Variants in MCPH1 observed in about 807,000 individuals in gnomAD.
MCPH1 encodes the protein microcephalin.
MCPH1 carries 104 observed loss-of-function variants against 84.5 expected under a neutral mutation model. That is an observed-to-expected ratio of 1.23 (90% CI 1.05 to 1.45). MCPH1 has a LOEUF of 1.45. MCPH1 is among the 40% of genes most tolerant of loss of function. The pLI, the probability that MCPH1 is intolerant of heterozygous loss-of-function variation, is 0.00. For synonymous variants in MCPH1, 514 were observed against 366.8 expected, an observed-to-expected ratio of 1.40 and a Z score of -4.58; for missense variants, 1,498 against 1,005.7, an observed-to-expected ratio of 1.49 and a Z score of -6.62.
intron 12 of MCPH1, among the ~76,000 whole-genome samples, chr8:6,552,644 A>G (rs1417865705): frequency 1.3e-5 from 2 of 152,178 alleles, no homozygotes; most frequent in Non-Finnish European, 2.9e-5. Flanking sequence ...AGCATCTTAC[A>G]GTTTCCAACA....
chr8:6,410,264 G>T (rs1399098279), intron 2 of MCPH1, among the ~76,000 whole-genome samples: 2 of 151,956 alleles, frequency 1.3e-5, no homozygotes, highest in Non-Finnish European at 2.9e-5. Flanking sequence ...ATGAGCCACC[G>T]AGCCCGGCCA....
chr8:6,477,036 CA>C (rs5889171), intron 9 of MCPH1, among the ~76,000 whole-genome samples: 20,743 of 136,888 alleles, frequency 0.15, 2,447 homozygotes, highest in African/African-American at 0.33. Context: ...CTTAGATAAG[CA>C]AAAAAAAAAT....
At chr8:6,629,945 C>G (rs555038540) in intron 13 of MCPH1, among the ~76,000 whole-genome samples, 7 of 152,338 alleles carry the variant, frequency 4.6e-5, no homozygotes, top group Non-Finnish European at 2.9e-5. Flanking sequence ...CAGCCACTGA[C>G]TGTTGTGGTC....
In MCPH1 at chr8:6,619,992, C is replaced by T. The variant is rs531990985; in HGVS notation, c.2215-1462C>T. The T allele has an allele frequency of 3.3e-5, 5 of 152,342 alleles. No homozygotes were observed. In the East Asian group the frequency reaches 5.8e-4, roughly 18 times the overall value. The allele number at this position is 152,342 out of a possible 1,614,324, so 9.4% of individuals were successfully genotyped here. A position where few individuals can be genotyped will look rare whatever the true frequency, so the allele number is the denominator to read the frequency against. ...CAGCTTGGCCCCGTGATGCTAGGGA[C>T]CATGGCTTTTTCTTGCAGTGTGACT... On this transcript the variant is annotated intron_variant, in intron 12 of 13. Coordinates refer to ENST00000344683, the MANE Select transcript of MCPH1 (RefSeq NM_024596.5).
chr8:6,423,144 G>T (rs994159862), intron 3 of MCPH1, among the ~76,000 whole-genome samples: 1 of 148,554 alleles, frequency 6.7e-6, no homozygotes, highest in African/African-American at 2.5e-5. Context: ...AAGGTCCTCA[G>T]AAGCTCAAAA....
chr8:6,487,862 A>C (rs1012263523), intron 11 of MCPH1, among the ~76,000 whole-genome samples: 11 of 152,222 alleles, frequency 7.2e-5, no homozygotes, highest in Admixed American at 1.3e-4. Flanking sequence ...GCAGCCGAGA[A>C]GGACGCTGCA....
At chr8:6,568,339 G>T (rs1442334375) in intron 12 of MCPH1, among the ~76,000 whole-genome samples, 2 of 150,362 alleles carry the variant, frequency 1.3e-5, no homozygotes, top group East Asian at 3.9e-4. Flanking sequence ...ATGACAGTCA[G>T]ACCATCCCAG....
chr8:6,638,879 G>C (rs1797742834), intron 13 of MCPH1, among the ~76,000 whole-genome samples: 1 of 152,164 alleles, frequency 6.6e-6, no homozygotes, highest in Non-Finnish European at 1.5e-5. Flanking sequence ...GGAGCTGTCG[G>C]CCCTTGTTCA....
intron 12 of MCPH1, among the ~76,000 whole-genome samples, chr8:6,517,286 G>C (rs1020366463): frequency 1.3e-5 from 2 of 152,166 alleles, no homozygotes; most frequent in African/African-American, 4.8e-5. Flanking sequence ...TATAAAGCTT[G>C]ATGTTTTTCA....
At chr8:6,591,336 G>C (rs1586732183) in intron 12 of MCPH1, among the ~76,000 whole-genome samples, 2 of 152,176 alleles carry the variant, frequency 1.3e-5, no homozygotes, top group African/African-American at 4.8e-5. Context: ...TGAACTCTAG[G>C]GCTAGTGTTT....
intron 13 of MCPH1, among the ~76,000 whole-genome samples, chr8:6,639,935 C>G (rs1379075641): frequency 6.6e-6 from 1 of 151,972 alleles, no homozygotes; most frequent in African/African-American, 2.4e-5. Context: ...AACAAGATGT[C>G]ACTATGTTGC....
chr8:6,416,003 G>GT (rs1380953401), intron 3 of MCPH1, among the ~76,000 whole-genome samples: 2 of 152,030 alleles, frequency 1.3e-5, no homozygotes, highest in African/African-American at 4.8e-5. Context: ...CAGTGTACAA[G>GT]TTTTTTACCC....
intron 9 of MCPH1, among the ~76,000 whole-genome samples, chr8:6,456,018 C>T (rs957891214): frequency 6.6e-6 from 1 of 152,114 alleles, no homozygotes. Flanking sequence ...TGCATTTGAC[C>T]TGCGGAAGAG....
chr8:6,546,165 G>A (rs1376573287), intron 12 of MCPH1, among the ~76,000 whole-genome samples: 1 of 152,208 alleles, frequency 6.6e-6, no homozygotes, highest in Non-Finnish European at 1.5e-5. Flanking sequence ...AAATTAAGTG[G>A]AATGAGTTAG....
Position 6,439,060 on chromosome 8 carries a change from G to A in MCPH1, c.544G>A (p.Glu182Lys), listed in dbSNP as rs759784204. The A allele has an allele frequency of 6.8e-6, 11 of 1,613,368 alleles. No individual in the cohort carries two copies. Among genetic ancestry groups the A allele is most frequent in the African/African-American group, 6.7e-5 (5 of 74,896 alleles). ...HHSAMEKRLQ[E>K]MKEKRENLSP... ...CAGCGCAATGGAGAAGAGATTACAA[G>A]AGATGAAGGAGAAAAGGGAAAATCT... Residue 182 changes from glutamate to lysine, a missense_variant, in exon 6 of 14, where the codon GAG (glutamate) becomes AAG (lysine). Physicochemically the swap from Glu to Lys is moderately conservative, Grantham distance 56. Coordinates refer to ENST00000344683, the MANE Select transcript of MCPH1 (RefSeq NM_024596.5).
intron 9 of MCPH1, among the ~76,000 whole-genome samples, chr8:6,465,578 C>A (rs936958788): frequency 6.6e-6 from 1 of 152,146 alleles, no homozygotes; most frequent in African/African-American, 2.4e-5. Context: ...AAGAAATGCT[C>A]CCCGGGTCCT....
intron 2 of MCPH1, among the ~76,000 whole-genome samples, chr8:6,413,282 G>T (rs1004380984): frequency 6.6e-6 from 1 of 151,756 alleles, no homozygotes; most frequent in African/African-American, 2.4e-5. Context: ...TTGTTTGCAT[G>T]TGATGTGTCT....
intron 12 of MCPH1, chr8:6,514,729 C>A (rs201772772): frequency 8.7e-6 from 14 of 1,613,950 alleles, no homozygotes; most frequent in African/African-American, 1.3e-5. Flanking sequence ...ATCCTCACGT[C>A]GCTGAATAAT....
chr8:6,562,036 C>T (rs1020945484), intron 12 of MCPH1, among the ~76,000 whole-genome samples: 1 of 152,148 alleles, frequency 6.6e-6, no homozygotes, highest in African/African-American at 2.4e-5. Flanking sequence ...GGAACTGTGC[C>T]CCTGTTTACA....
Sources: gnomAD v4.1 joint callset for allele counts (sites outside exome capture counted in the v4.1 genomes callset) on GRCh38, gnomAD v4.1.1 for gene constraint, MANE v1.5 for transcripts, NCBI Gene and HGNC (gene_info 2026-07-23, HGNC 2026-07-21) for gene names.